TAF8: variants seen among roughly 807,000 people sequenced by gnomAD.
TAF8 encodes the protein transcription initiation factor TFIID subunit 8.
Under a neutral mutation model 36.5 loss-of-function variants are expected in TAF8, and 47 were observed. That is an observed-to-expected ratio of 1.29 (90% CI 1.02 to 1.64). The LOEUF (loss-of-function observed/expected upper bound fraction) is 1.64, where lower values mean the gene tolerates loss of function less well. Among genes scored for constraint, TAF8 ranks in the 40% most tolerant of loss-of-function variants. The pLI is 0.00. For missense variants in TAF8, 420 were observed against 407.6 expected (o/e 1.03, Z -0.26); for synonymous variants, 175 against 159.5 (o/e 1.10, Z -0.73).
chr6:42,086,506 G>A (rs563017968), downstream of TAF8, among the ~76,000 whole-genome samples: 7 of 152,312 alleles, frequency 4.6e-5, no homozygotes, highest in East Asian at 1.4e-3. Flanking sequence ...TTCAGGGATT[G>A]TCCTCCAGGG....
chr6:42,081,182 T>TGTGTGTGCGTGTGTGTGC lies in TAF8; in HGVS notation c.*3644_*3645insCGTGTGTGTGCGTGTGTG, dbSNP rs1765912958. ...TCTTTCCTCCTGGAGTGTGTGTGTG[T>TGTGTGTGCGTGTGTGTGC]GTGTGTGTGCGTGTGTGTGCGTGTG... On this transcript the variant is annotated 3_prime_UTR_variant, in exon 9 of 9. Coordinates refer to ENST00000372977, the MANE Select transcript of TAF8 (RefSeq NM_138572.3). The TGTGTGTGCGTGTGTGTGC allele has an allele frequency of 6.9e-6, 1 of 144,362 alleles. No individual in the cohort carries two copies. The highest frequency in any genetic ancestry group is 2.8e-5 in the African/African-American group (1 of 35,292). The allele number at this position is 144,362 out of a possible 1,614,324, so 8.9% of individuals were successfully genotyped here. A position where few individuals can be genotyped will look rare whatever the true frequency, so the allele number is the denominator to read the frequency against.
At chr6:42,057,160 G>C (rs1765021194) in intron 4 of TAF8, among the ~76,000 whole-genome samples, 1 of 152,194 alleles carries the variant, frequency 6.6e-6, no homozygotes, top group African/African-American at 2.4e-5. Flanking sequence ...CTCTACCTAA[G>C]AGGCTTGTGG....
intron 5 of TAF8, among the ~76,000 whole-genome samples, chr6:42,065,690 T>G (rs1403248259): frequency 6.6e-6 from 1 of 152,202 alleles, no homozygotes; most frequent in African/African-American, 2.4e-5. Flanking sequence ...CTCCCACTCT[T>G]TCTTCACGAT....
At chr6:42,066,922 A>G (rs1274625466) in intron 6 of TAF8, among the ~76,000 whole-genome samples, 1 of 152,184 alleles carries the variant, frequency 6.6e-6, no homozygotes, top group Non-Finnish European at 1.5e-5. Flanking sequence ...TGATTCATTC[A>G]TTCAGCAAGC....
rs895115746 is a variant in TAF8, at chr6:42,078,239, A to C, written c.*694A>C. The C allele has an allele frequency of 5.1e-6, 5 of 985,386 alleles. No individual in the cohort carries two copies. In the African/African-American group the frequency reaches 8.7e-5, roughly 17 times the overall value. The allele number at this position is 985,386 out of a possible 1,614,324, so 61.0% of individuals were successfully genotyped here. On this transcript the variant is annotated 3_prime_UTR_variant, in exon 9 of 9. Transcript: ENST00000372977. Reference sequence around the variant, plus strand: ...TATGTGGTGGGGCATAGCAGCAGCCAGTGACTTCGTTCATTATCACAGGAT... The same window carrying C: ...TATGTGGTGGGGCATAGCAGCAGCCCGTGACTTCGTTCATTATCACAGGAT...
rs1219736559 is a variant in TAF8, at chr6:42,079,961, A to T, written c.*2416A>T. ...GCCTCACTGTACTGTGTAAGGAAAG[A>T]GCTGCTTGTCAGGAACGGAAGAGGG... is the stretch of plus-strand genomic sequence containing the variant. On this transcript the variant is annotated 3_prime_UTR_variant, in exon 9 of 9. Transcript: ENST00000372977. The T allele has an allele frequency of 1.0e-6, 1 of 984,680 alleles. No homozygotes were observed. 61.0% of individuals were successfully genotyped at this position (984,680 alleles called of 1,614,324 possible).
chr6:42,077,115 G>A lies in TAF8; in HGVS notation c.796G>A (p.Glu266Lys), dbSNP rs760047297. 40 of 1,612,750 alleles carry A rather than the reference G, an allele frequency of 2.5e-5. No homozygotes were observed. Among genetic ancestry groups the A allele is most frequent in the Non-Finnish European group, 3.2e-5 (38 of 1,179,306 alleles). The change falls in exon 8 of 9, where the codon GAG becomes AAG. Residue 266 changes from glutamate (E) to lysine (K), a missense_variant. By Grantham distance (56) the Glu-to-Lys change is moderately conservative. Transcript: ENST00000372977. The part of the protein sequence containing the change: ...LHISMEDSGA[E>K]KENTSVLQQN... ...TTGCTCAAAGGAGGATTCTGGAGCC[G>A]AGAAGGAGAACACCTCTGTCCTGCA... is the stretch of plus-strand genomic sequence containing the variant.
intron 2 of TAF8, 70 bp downstream of exon 2, chr6:42,051,583 TG>T: frequency 1.3e-6 from 2 of 1,514,462 alleles, no homozygotes; most frequent in Non-Finnish European, 1.8e-6. Context: ...TTTGTGATAG[TG>T]TTTGAGAGGA....
intron 5 of TAF8, among the ~76,000 whole-genome samples, chr6:42,059,568 G>T: frequency 6.6e-6 from 1 of 152,108 alleles, no homozygotes; most frequent in Non-Finnish European, 1.5e-5. Context: ...TCAGAATCTT[G>T]TAGCCTCCAG....
chr6:42,058,832 C>T (rs758864969), intron 5 of TAF8, among the ~76,000 whole-genome samples: 1 of 152,172 alleles, frequency 6.6e-6, no homozygotes, highest in African/African-American at 2.4e-5. Context: ...AGGGGAGTCC[C>T]TCCTTGCCTC....
At chr6:42,051,306 A>G (rs369252054) in intron 1 of TAF8, 51 bp from the exon 2 acceptor site, 19 of 1,572,098 alleles carry the variant, frequency 1.2e-5, no homozygotes, top group Middle Eastern at 1.7e-4. Context: ...CGTATGAACT[A>G]TGTGATTGCA....
rs1643448182 is a variant in TAF8, at chr6:42,055,883, C to A, written c.302-69C>A. On this transcript the variant is annotated intron_variant, in intron 3 of 8. Coordinates refer to ENST00000372977, the MANE Select transcript of TAF8 (RefSeq NM_138572.3). ...TGAGAGTTTAAGCCATTTGTCCATA[C>A]TACTACTATTCTTTCTGTATTCAAT... The A allele has an allele frequency of 2.8e-6, 3 of 1,079,296 alleles. No individual in the cohort carries two copies. The East Asian group carries it at 7.1e-5, about 25-fold the overall frequency. 66.9% of individuals were successfully genotyped at this position (1,079,296 alleles called of 1,614,324 possible).
chr6:42,070,690 A>G (rs73733093), intron 7 of TAF8, among the ~76,000 whole-genome samples: 4,169 of 152,274 alleles, frequency 0.027, 201 homozygotes, highest in African/African-American at 0.093. Flanking sequence ...GGGGAAAATG[A>G]AGGAATTAAG....
Position 42,078,575 on chromosome 6 carries a change from A to G in TAF8, c.*1030A>G. 8.1e-6 allele frequency: 8 copies of G among 985,480 alleles called. No homozygotes were observed. The highest frequency in any genetic ancestry group is 9.6e-6 in the Non-Finnish European group (8 of 829,936). The allele number at this position is 985,480 out of a possible 1,614,324, so 61.0% of individuals were successfully genotyped here. A position where few individuals can be genotyped will look rare whatever the true frequency, so the allele number is the denominator to read the frequency against. Reference sequence around the variant, plus strand: ...TGGGCAGGAGTCAGGAGTCTTGAGCAGATGCATCACTGTGAAGAAGAACGA... The same window carrying G: ...TGGGCAGGAGTCAGGAGTCTTGAGCGGATGCATCACTGTGAAGAAGAACGA... On this transcript the variant is annotated 3_prime_UTR_variant, in exon 9 of 9. Coordinates refer to ENST00000372977, the MANE Select transcript of TAF8 (RefSeq NM_138572.3).
intron 7 of TAF8, among the ~76,000 whole-genome samples, chr6:42,073,629 C>T (rs1231431752): frequency 1.3e-5 from 2 of 151,852 alleles, no homozygotes; most frequent in Non-Finnish European, 2.9e-5. Flanking sequence ...AGTGTTCTGG[C>T]AGAGGGAATG....
At position 42,078,233 on chromosome 6, in the gene TAF8, G is replaced by C. The variant is rs539167718; in HGVS notation, c.*688G>C. On this transcript the variant is annotated 3_prime_UTR_variant, in exon 9 of 9. Coordinates refer to ENST00000372977, the MANE Select transcript of TAF8 (RefSeq NM_138572.3). ...TCAGGCTATGTGGTGGGGCATAGCA[G>C]CAGCCAGTGACTTCGTTCATTATCA... 4.0e-5 allele frequency: 39 copies of C among 985,504 alleles called. 2 individuals are homozygous for C. In the South Asian group the frequency reaches 1.5e-3, roughly 37 times the overall value. The allele number at this position is 985,504 out of a possible 1,614,324, so 61.0% of individuals were successfully genotyped here.
chr6:42,054,931 CTTT>C (rs376052836), intron 2 of TAF8, among the ~76,000 whole-genome samples: 7 of 123,762 alleles, frequency 5.7e-5, no homozygotes, highest in Non-Finnish European at 1.0e-4. Context: ...TTTTTCTTTT[CTTT>C]TTTTTTTTTT....
At chr6:42,055,190 C>T (rs572413451) in intron 2 of TAF8, among the ~76,000 whole-genome samples, 1 of 152,318 alleles carries the variant, frequency 6.6e-6, no homozygotes, top group South Asian at 2.1e-4. Context: ...TCCCAAAGTG[C>T]TGGGATTACA....
Position 42,079,859 on chromosome 6 carries a change from CTT to C in TAF8, c.*2315_*2316del, listed in dbSNP as rs1765869715. On this transcript the variant is annotated 3_prime_UTR_variant, in exon 9 of 9. Transcript: ENST00000372977. ...GTGAGCCACGGTGCCCAGCCCATCT[CTT>C]AGTCTTCCATTCCCTTGGTGAATTT... The C allele has an allele frequency of 1.0e-6, 1 of 985,156 alleles. No homozygotes were observed. Among genetic ancestry groups the C allele is most frequent in the African/African-American group, 1.7e-5 (1 of 57,168 alleles). The allele number at this position is 985,156 out of a possible 1,614,324, so 61.0% of individuals were successfully genotyped here. A position where few individuals can be genotyped will look rare whatever the true frequency, so the allele number is the denominator to read the frequency against.
Sources: allele counts gnomAD v4.1 joint callset (sites outside exome capture counted in the v4.1 genomes callset), GRCh38; gene constraint gnomAD v4.1.1; transcripts MANE v1.5; gene names NCBI Gene and HGNC (gene_info 2026-07-23, HGNC 2026-07-21).